EIF3J: variants seen among roughly 807,000 people sequenced by gnomAD.
EIF3J encodes eukaryotic translation initiation factor 3 subunit J.
In EIF3J, 15 loss-of-function variants were observed where a neutral mutation model predicts 39.0. That is an observed-to-expected ratio of 0.38 (90% confidence interval 0.26 to 0.59). The LOEUF is 0.59. Among genes scored for constraint, EIF3J ranks in the 20% least tolerant of loss-of-function variants. The probability of loss-of-function intolerance (pLI) is 0.60; values close to 1 mark genes in which losing one functional copy is unlikely to be tolerated. For missense variants in EIF3J, 226 were observed against 308.6 expected, an observed-to-expected ratio of 0.73 and a Z score of 2.00; for synonymous variants, 98 against 112.9, an observed-to-expected ratio of 0.87 and a Z score of 0.84.
In EIF3J at chr15:44,553,539, A is replaced by G. The variant is rs371424677; in HGVS notation, c.295-1014A>G. Among the ~76,000 whole-genome samples the G allele has an allele frequency of 1.1e-4, 17 of 152,290 alleles. No individual in the cohort carries two copies. The East Asian group carries it at 2.9e-3, about 26-fold the overall frequency. ...TTATATTCCAGTATAAAGAGAAGAT[A>G]GATATACACTAAGCTGTCAACTGTC... is the stretch of plus-strand genomic sequence containing the variant. On this transcript the variant is annotated intron_variant, in intron 4 of 7. Transcript: ENST00000261868.
At chr15:44,539,859 C>G (rs2081995950) in intron 2 of EIF3J, among the ~76,000 whole-genome samples, 1 of 151,634 alleles carries the variant, frequency 6.6e-6, no homozygotes, top group African/African-American at 2.4e-5. Context: ...CTCCCGGATT[C>G]AAGTGATTCT....
intron 2 of EIF3J, among the ~76,000 whole-genome samples, chr15:44,545,964 CT>C (rs1223601677): frequency 6.6e-6 from 1 of 152,146 alleles, no homozygotes; most frequent in African/African-American, 2.4e-5. Context: ...GAGAATTAAC[CT>C]TGTTACTACA....
intron 2 of EIF3J, among the ~76,000 whole-genome samples, chr15:44,540,259 ATATATATATTTTT>A (rs2082001566): frequency 1.8e-5 from 1 of 56,210 alleles, no homozygotes; most frequent in South Asian, 6.6e-4. Context: ...ATATATATAT[ATATATATATTTTT>A]TTTTTTTTTT....
chr15:44,540,251 ATATATATATATATATATTT>A (rs1318946188), intron 2 of EIF3J, among the ~76,000 whole-genome samples: 2 of 48,304 alleles, frequency 4.1e-5, no homozygotes, highest in Non-Finnish European at 9.0e-5. Context: ...ATATATATAT[ATATATATATATATATATTT>A]TTTTTTTTTT....
chr15:44,538,586 A>G (rs943430454), intron 2 of EIF3J, among the ~76,000 whole-genome samples: 1 of 152,134 alleles, frequency 6.6e-6, no homozygotes, highest in East Asian at 1.9e-4. Flanking sequence ...ATGAGGTTGG[A>G]TGTGTGGATG....
chr15:44,544,723 AAG>A (rs2082039869), intron 2 of EIF3J, among the ~76,000 whole-genome samples: 1 of 142,650 alleles, frequency 7.0e-6, no homozygotes, highest in Non-Finnish European at 1.5e-5. Context: ...AAAAAAAAAA[AAG>A]GTGGGAGGGG....
At chr15:44,544,675 G>T (rs551959370) in intron 2 of EIF3J, among the ~76,000 whole-genome samples, 84 of 132,948 alleles carry the variant, frequency 6.3e-4, no homozygotes, top group South Asian at 1.5e-3. Flanking sequence ...TTGCACTCCA[G>T]CCTGGGCAAT....
At chr15:44,554,518 C>T in intron 4 of EIF3J, 35 bp from the exon 5 acceptor site, 1 of 1,388,836 alleles carries the variant, frequency 7.2e-7, no homozygotes, top group Non-Finnish European at 1.0e-6. Flanking sequence ...GCATCATAAT[C>T]CCTGTGCTTT....
At chr15:44,559,491 A>G (rs1416232643) in intron 6 of EIF3J, among the ~76,000 whole-genome samples, 1 of 151,732 alleles carries the variant, frequency 6.6e-6, no homozygotes, top group East Asian at 1.9e-4. Flanking sequence ...CAGGCGGATC[A>G]CGTCAGGAGA....
chr15:44,560,982 A>G (rs2082188763), intron 7 of EIF3J, 36 bp from the exon 8 acceptor site: 1 of 1,608,636 alleles, frequency 6.2e-7, no homozygotes, highest in Admixed American at 1.7e-5. Context: ...CCCATAGCAC[A>G]CTAAGGTTCA....
At chr15:44,554,024 AG>A (rs35812679) in intron 4 of EIF3J, among the ~76,000 whole-genome samples, 14,899 of 151,982 alleles carry the variant, frequency 0.098, 1,484 homozygotes, top group African/African-American at 0.24. Context: ...CCTTCTATTT[AG>A]TTGTGGGCAG....
At chr15:44,546,613 G>A (rs1037522326) in intron 2 of EIF3J, among the ~76,000 whole-genome samples, 1 of 152,012 alleles carries the variant, frequency 6.6e-6, no homozygotes, top group African/African-American at 2.4e-5. Context: ...AGCTTCAAAT[G>A]GCATGTCATA....
intron 2 of EIF3J, 106 bp downstream of exon 2, chr15:44,537,533 G>C: frequency 8.2e-7 from 1 of 1,212,208 alleles, no homozygotes; most frequent in Non-Finnish European, 1.1e-6. Flanking sequence ...GTGGGTCCAG[G>C]CGCGAGCATA....
chr15:44,538,709 G>A (rs2081982458), intron 2 of EIF3J, among the ~76,000 whole-genome samples: 2 of 152,166 alleles, frequency 1.3e-5, no homozygotes, highest in South Asian at 4.1e-4. Flanking sequence ...TTTACATGTT[G>A]TAGAAACATG....
rs144685277 is a variant in EIF3J, at chr15:44,549,191, C to T, written c.148-1685C>T. Reference sequence around the variant, plus strand: ...GGCGGATCACCTGAGGTTGGGAGTTCGAGATCAGCCTGACCAACATGGACA... The same window carrying T: ...GGCGGATCACCTGAGGTTGGGAGTTTGAGATCAGCCTGACCAACATGGACA... On this transcript the variant is annotated intron_variant, in intron 2 of 7. Coordinates refer to ENST00000261868, the MANE Select transcript of EIF3J (RefSeq NM_003758.4). Among the ~76,000 whole-genome samples the T allele has an allele frequency of 6.3e-3, 950 of 150,780 alleles. 2 individuals carry two copies. The highest frequency in any genetic ancestry group is 9.9e-3 in the Non-Finnish European group (667 of 67,648).
At chr15:44,547,615 A>T (rs2082065590) in intron 2 of EIF3J, among the ~76,000 whole-genome samples, 1 of 150,590 alleles carries the variant, frequency 6.6e-6, no homozygotes, top group Non-Finnish European at 1.5e-5. Flanking sequence ...CGCCCAGCTA[A>T]TTTTTTGTAT....
chr15:44,562,259 A>G lies in EIF3J; in HGVS notation c.*1110A>G, dbSNP rs528969919. 1.3e-5 allele frequency: 2 copies of G among 152,740 alleles called. No homozygotes were observed. The highest frequency in any genetic ancestry group is 2.1e-4 in the South Asian group (1 of 4,828). 9.5% of individuals were successfully genotyped at this position (152,740 alleles called of 1,614,324 possible). ...GTTGTCACCATAGAGCAACAAAGGT[A>G]TAGGGCTGCCTTCCTCTTATTTATT... On this transcript the variant is annotated 3_prime_UTR_variant, in exon 8 of 8. Transcript: ENST00000261868.
chr15:44,553,231 G>A (rs1357860245), intron 4 of EIF3J, among the ~76,000 whole-genome samples: 1 of 151,728 alleles, frequency 6.6e-6, no homozygotes, highest in Non-Finnish European at 1.5e-5. Context: ...GGTGGCTCAC[G>A]CCTGTAATCC....
rs1347275911 is a variant in EIF3J, at chr15:44,537,339, C to T, written c.59C>T (p.Ser20Phe). 2.6e-6 allele frequency: 4 copies of T among 1,565,066 alleles called. No homozygotes were observed. The highest frequency in any genetic ancestry group is 3.8e-5 in the Admixed American group (2 of 52,566). ...DSDSWDADAF[S>F]VEDPVRKVGG... ...TCTTCCGTAGACGCCGACGCTTTCT[C>T]CGTGGAAGACCCAGTGCGGAAGGTG... is the stretch of plus-strand genomic sequence containing the variant. Residue 20 changes from serine (S) to phenylalanine (F), a missense_variant, in exon 2 of 8, where the codon TCC becomes TTC. Coordinates refer to ENST00000261868, the MANE Select transcript of EIF3J (RefSeq NM_003758.4).
Sources: gnomAD v4.1 joint callset for allele counts (sites outside exome capture counted in the v4.1 genomes callset) on GRCh38, gnomAD v4.1.1 for gene constraint, MANE v1.5 for transcripts, NCBI Gene and HGNC (gene_info 2026-07-23, HGNC 2026-07-21) for gene names.